Variants in PCDHGB3 observed in about 807,000 individuals in gnomAD.
PCDHGB3 encodes protocadherin gamma subfamily B, 3.
In PCDHGB3, 40 loss-of-function variants were observed where a neutral mutation model predicts 59.2. The ratio of observed to expected loss-of-function variants is 0.68; its 90% CI spans 0.52 to 0.88. The LOEUF (loss-of-function observed/expected upper bound fraction) is 0.88, where lower values mean the gene tolerates loss of function less well. Ranked by LOEUF, PCDHGB3 falls within the 40% of genes least tolerant of loss-of-function variation. PCDHGB3 has a pLI of 0.00. For missense variants in PCDHGB3, 1,309 were observed against 1,187.9 expected (o/e 1.10, Z -1.50); for synonymous variants, 581 against 503.6 (o/e 1.15, Z -2.06).
Position 141,372,377 on chromosome 5 carries a change from C to A in PCDHGB3, c.1983C>A (p.His661Gln), listed in dbSNP as rs1006605507. The A allele has an allele frequency of 6.2e-7, 1 of 1,613,996 alleles. No homozygotes were observed. Among genetic ancestry groups the A allele is most frequent in the Non-Finnish European group, 8.5e-7 (1 of 1,179,904 alleles). The stretch of plus-strand genomic sequence containing the variant: ...CTCTTTCAGCCACCGTCATGCTGCA[C>A]CTAATCTTCGCAGATAGCTTGCAAG... ...QQPLSATVML[H>Q]LIFADSLQEI... The change falls in exon 1 of 4, where the codon CAC becomes CAA. Residue 661 changes from histidine (H) to glutamine (Q), a missense_variant. Coordinates refer to ENST00000576222, the MANE Select transcript of PCDHGB3 (RefSeq NM_018924.5).
At chr5:141,492,703 G>A (rs2099743198) in intron 1 of PCDHGB3, among the ~76,000 whole-genome samples, 1 of 152,246 alleles carries the variant, frequency 6.6e-6, no homozygotes, top group Non-Finnish European at 1.5e-5. Flanking sequence ...CAACCCAGAA[G>A]CCTCGAGCAG....
intron 1 of PCDHGB3, chr5:141,403,769 A>G (rs2094453064): frequency 6.2e-7 from 1 of 1,613,948 alleles, no homozygotes; most frequent in Non-Finnish European, 8.5e-7. Context: ...GGATGAGGGA[A>G]TCAACGGAAA....
At chr5:141,451,880 A>G (rs1322052501) in intron 1 of PCDHGB3, among the ~76,000 whole-genome samples, 1 of 152,106 alleles carries the variant, frequency 6.6e-6, no homozygotes, top group East Asian at 1.9e-4. Flanking sequence ...AACCCTGTCA[A>G]GAAAGAAAGG....
chr5:141,375,941 G>T, intron 1 of PCDHGB3: 1 of 1,613,580 alleles, frequency 6.2e-7, no homozygotes, highest in South Asian at 1.1e-5. Flanking sequence ...TTTCTCAGTG[G>T]GCCTGCACAC....
intron 1 of PCDHGB3, chr5:141,421,806 A>G: frequency 6.2e-7 from 1 of 1,613,842 alleles, no homozygotes; most frequent in Non-Finnish European, 8.5e-7. Context: ...CCAAGAATCC[A>G]GAGCTAGTAC....
chr5:141,507,862 G>T (rs17286954), intron 3 of PCDHGB3, among the ~76,000 whole-genome samples: 20,426 of 152,154 alleles, frequency 0.13, 1,374 homozygotes, highest in Admixed American at 0.16. Context: ...TTTCACACCC[G>T]CTTCCTAGCC....
chr5:141,394,080 A>G (rs766939528), intron 1 of PCDHGB3: 2 of 1,613,920 alleles, frequency 1.2e-6, no homozygotes, highest in Non-Finnish European at 1.7e-6. Flanking sequence ...TATCACAGTG[A>G]TGGCCTCAGA....
At chr5:141,392,816 G>C (rs1442012424) in intron 1 of PCDHGB3, 3 of 1,587,594 alleles carry the variant, frequency 1.9e-6, no homozygotes, top group Admixed American at 3.6e-5. Context: ...AAACAACAAT[G>C]GCCGCTCCAC....
rs1330257915 is a variant in PCDHGB3 at position 141,486,153 on chromosome 5, C to T, written c.2416-8654C>T. Reference sequence around the variant, plus strand: ...GATGTGCGGGCTCGCGATGGGGGTTCTCCAGCCATGGAGCAACATTGCAGC... The same window carrying T: ...GATGTGCGGGCTCGCGATGGGGGTTTTCCAGCCATGGAGCAACATTGCAGC... On this transcript the variant is annotated intron_variant, in intron 1 of 3. Transcript: ENST00000576222. This position sits in a 1 kb window ranked among gnomAD's most constrained non-coding sequence, Gnocchi z 5.0. 1 of 1,614,084 alleles carries T rather than the reference C, an allele frequency of 6.2e-7. No homozygotes were observed. Among genetic ancestry groups the T allele is most frequent in the Non-Finnish European group, 8.5e-7 (1 of 1,180,036 alleles).
rs374042624 is a variant in PCDHGB3, at chr5:141,394,490, G to A, written c.2415+21681G>A. The A allele has an allele frequency of 3.7e-6, 6 of 1,614,058 alleles. No individual in the cohort carries two copies. In the Admixed American group the frequency reaches 5.0e-5, roughly 13 times the overall value. ...TCGTGCTGGACCAGAATGACAACGCGCCCGAGATCCTGTACCCCGCCCTCC... is the reference window on the plus strand; with the variant it reads ...TCGTGCTGGACCAGAATGACAACGCACCCGAGATCCTGTACCCCGCCCTCC... On this transcript the variant is annotated intron_variant, in intron 1 of 3. Transcript: ENST00000576222.
rs535024997 is a variant in PCDHGB3, at chr5:141,371,494, C to T, written c.1100C>T (p.Ala367Val). ...GATGCTGAGCTGGGGACTGCCGTTG[C>T]CCTGATCAAAACACATGATCTAGAT... Reference protein sequence around the residue: ...QEDAELGTAVALIKTHDLDSG... With the variant: ...QEDAELGTAVVLIKTHDLDSG... Residue 367 changes from alanine (A) to valine (V), a missense_variant, in exon 1 of 4, where the codon GCC becomes GTC. Ala to Val is a moderately conservative substitution (Grantham distance 64). Coordinates refer to ENST00000576222, the MANE Select transcript of PCDHGB3 (RefSeq NM_018924.5). The T allele has an allele frequency of 2.5e-6, 4 of 1,613,888 alleles. No individual in the cohort carries two copies. In the Admixed American group the frequency reaches 5.0e-5, roughly 20 times the overall value.
chr5:141,510,194 G>A (rs920127442), intron 3 of PCDHGB3, among the ~76,000 whole-genome samples: 1 of 151,462 alleles, frequency 6.6e-6, no homozygotes, highest in Non-Finnish European at 1.5e-5. Context: ...AATCACTTGA[G>A]CCCAGGAGGC....
chr5:141,496,981 T>A (rs928774783), intron 2 of PCDHGB3, among the ~76,000 whole-genome samples: 1 of 150,304 alleles, frequency 6.7e-6, no homozygotes, highest in African/African-American at 2.5e-5. Context: ...AGGTCAGGGG[T>A]TTGAGACCAG....
At chr5:141,388,351 C>A in intron 1 of PCDHGB3, 1 of 1,614,016 alleles carries the variant, frequency 6.2e-7, no homozygotes. Flanking sequence ...ATATTAGGAT[C>A]TGCCCATGAT....
intron 1 of PCDHGB3, among the ~76,000 whole-genome samples, chr5:141,483,302 C>G (rs1262756268): frequency 2.0e-5 from 3 of 152,012 alleles, no homozygotes; most frequent in Admixed American, 6.5e-5. Context: ...AGTGAAGGGA[C>G]TGGGGACATT....
intron 2 of PCDHGB3, among the ~76,000 whole-genome samples, chr5:141,501,057 C>T (rs185929124): frequency 9.7e-4 from 147 of 151,960 alleles, no homozygotes; most frequent in African/African-American, 3.4e-3. Context: ...TTAGTAGAGA[C>T]GGGGTTTCAC....
intron 1 of PCDHGB3, chr5:141,409,804 C>T (rs766279863): frequency 6.2e-7 from 1 of 1,611,772 alleles, no homozygotes; most frequent in South Asian, 1.1e-5. Context: ...CGCTGCAGGC[C>T]CGCGACCACG....
intron 1 of PCDHGB3, chr5:141,415,330 A>G (rs1326574664): frequency 1.2e-6 from 2 of 1,614,094 alleles, no homozygotes; most frequent in African/African-American, 2.7e-5. Context: ...GCTGGCGCAC[A>G]GGCTGCGGCG....
chr5:141,384,139 A>G (rs1561600498), intron 1 of PCDHGB3: 1 of 1,612,786 alleles, frequency 6.2e-7, no homozygotes. Context: ...GGACCGGGAA[A>G]CACTCTCTTT....
Sources: gnomAD v4.1 joint callset for allele counts (sites outside exome capture counted in the v4.1 genomes callset) on GRCh38, gnomAD v4.1.1 for gene constraint, Gnocchi (gnomAD v3.1) non-coding constraint, MANE v1.5 for transcripts, NCBI Gene and HGNC (gene_info 2026-07-23, HGNC 2026-07-21) for gene names.